LRPPRC: variants seen among roughly 807,000 people sequenced by gnomAD.
The protein encoded by LRPPRC is leucine-rich PPR motif-containing protein, mitochondrial.
In LRPPRC, 120 loss-of-function variants were observed where a neutral mutation model predicts 180.3. That is an observed-to-expected ratio of 0.67 (90% CI 0.57 to 0.77). LRPPRC has a LOEUF of 0.77. Ranked by LOEUF, LRPPRC falls within the 30% of genes least tolerant of loss-of-function variation. The pLI, the probability that LRPPRC is intolerant of heterozygous loss-of-function variation, is 0.00. For missense variants in LRPPRC, 2,012 were observed against 1,657.2 expected (o/e 1.21, Z -3.72); for synonymous variants, 723 against 600.0 (o/e 1.21, Z -3.00).
At chr2:43,964,252 A>G (rs1306608300) in intron 11 of LRPPRC, among the ~76,000 whole-genome samples, 1 of 143,800 alleles carries the variant, frequency 7.0e-6, no homozygotes, top group Non-Finnish European at 1.5e-5. Flanking sequence ...TAAAAATCAA[A>G]TAAGTTGTTT....
rs760756132 is a variant in LRPPRC, at chr2:43,973,676, C to A, written c.1300G>T (p.Gly434Cys). Reference sequence around the variant, plus strand: ...AAATAGTGAGGTCTGATAGGAAAACCTTCCTCCTTCACAGCCTTCATTAAG... The same window carrying A: ...AAATAGTGAGGTCTGATAGGAAAACATTCCTCCTTCACAGCCTTCATTAAG... ...KALMKAVKEEGFPIRPHYFWP... is the reference protein window; with the variant it reads ...KALMKAVKEECFPIRPHYFWP... The change falls in exon 11 of 38, where the codon GGT (glycine) becomes TGT (cysteine). Residue 434 changes from glycine to cysteine, a missense_variant. Physicochemically the swap from Gly to Cys is radical, Grantham distance 159. Transcript: ENST00000260665. 2 of 1,614,012 alleles carry A rather than the reference C, an allele frequency of 1.2e-6. No homozygotes were observed. Among genetic ancestry groups the A allele is most frequent in the Non-Finnish European group, 1.7e-6 (2 of 1,179,884 alleles).
chr2:43,916,368 G>T (rs1402859399), intron 29 of LRPPRC, among the ~76,000 whole-genome samples: 1 of 152,090 alleles, frequency 6.6e-6, no homozygotes, highest in South Asian at 2.1e-4. Flanking sequence ...ATAACAGAGG[G>T]TTAAAGACGG....
Position 43,898,047 on chromosome 2 carries a change from C to T in LRPPRC, c.3825+1172G>A, listed in dbSNP as rs561011062. ...ATTTTAAAAGTCCTGAAATCCCTAT[C>T]ATAAACTGCCTTTTCCTTAAAATTA... On this transcript the variant is annotated intron_variant, in intron 34 of 37. Transcript: ENST00000260665. Among the ~76,000 whole-genome samples the T allele has an allele frequency of 5.8e-3, 703 of 122,200 alleles. 2 individuals are homozygous for T. The highest frequency in any genetic ancestry group is 9.8e-3 in the Middle Eastern group (2 of 204). The allele number at this position is 122,200 out of a possible 152,430, so 80.2% of individuals were successfully genotyped here. A position where few individuals can be genotyped will look rare whatever the true frequency, so the allele number is the denominator to read the frequency against.
Position 43,995,853 on chromosome 2 carries a change from C to T in LRPPRC, c.95G>A (p.Gly32Asp). The T allele has an allele frequency of 6.7e-7, 1 of 1,482,110 alleles. No individual in the cohort carries two copies. The highest frequency in any genetic ancestry group is 8.9e-7 in the Non-Finnish European group (1 of 1,124,456). The allele number at this position is 1,482,110 out of a possible 1,614,324, so 91.8% of individuals were successfully genotyped here. ...LSLRLLPGGP[G>D]RLHAASYLPA... ...CAGATAGGAGGCGGCATGCAGCCGG[C>T]CCGGGCCGCCAGGGAGGAGGCGCAG... Residue 32 changes from glycine to aspartate, a missense_variant, in exon 1 of 38, where the codon GGC (glycine) becomes GAC (aspartate). Transcript: ENST00000260665.
At chr2:43,990,062 T>C (rs1674702139) in intron 1 of LRPPRC, among the ~76,000 whole-genome samples, 1 of 151,804 alleles carries the variant, frequency 6.6e-6, no homozygotes, top group African/African-American at 2.4e-5. Flanking sequence ...CTACTAAAAA[T>C]ACAAAAATTA....
intron 23 of LRPPRC, among the ~76,000 whole-genome samples, chr2:43,938,947 A>C (rs572694173): frequency 6.6e-6 from 1 of 152,228 alleles, no homozygotes; most frequent in South Asian, 2.1e-4. Context: ...ATACTAAGTA[A>C]CTTTCTAATC....
intron 11 of LRPPRC, among the ~76,000 whole-genome samples, chr2:43,966,150 TACA>T (rs764097604): frequency 5.3e-5 from 8 of 152,144 alleles, no homozygotes; most frequent in African/African-American, 1.7e-4. Flanking sequence ...TCCTGTCATT[TACA>T]ACAACATGAA....
At chr2:43,929,656 G>A (rs952783060) in intron 25 of LRPPRC, among the ~76,000 whole-genome samples, 11 of 152,016 alleles carry the variant, frequency 7.2e-5, no homozygotes, top group Admixed American at 5.2e-4. Flanking sequence ...GTTGTTCAAG[G>A]ATCAACTATA....
intron 6 of LRPPRC, among the ~76,000 whole-genome samples, chr2:43,975,588 CTTT>C (rs201011515): frequency 6.9e-6 from 1 of 144,312 alleles, no homozygotes. Flanking sequence ...TTTCTTTTTT[CTTT>C]TTTTTTTTTG....
intron 13 of LRPPRC, among the ~76,000 whole-genome samples, chr2:43,958,806 G>A (rs538518904): frequency 6.6e-6 from 1 of 152,132 alleles, no homozygotes; most frequent in Admixed American, 6.5e-5. Flanking sequence ...CCTGAAGCAC[G>A]TACCAGCAAT....
rs374997636 is a variant in LRPPRC, at chr2:43,946,107, A to G, written c.2210+6T>C. On this transcript the variant is annotated splice_donor_region_variant and intron_variant, in intron 21 of 37. Transcript: ENST00000260665. ...TGACAACTTGTTTCAGTGCCAGGGTACTCACAATTCTTCTTTCAAGTTCAA... is the reference window on the plus strand; with the variant it reads ...TGACAACTTGTTTCAGTGCCAGGGTGCTCACAATTCTTCTTTCAAGTTCAA... 6.2e-7 allele frequency: 1 copy of G among 1,612,032 alleles called. No homozygotes were observed.
In LRPPRC at chr2:43,947,354, G is replaced by C; in HGVS notation, c.1982C>G (p.Ser661Ter). ...TTCAAGTGTGGACTCCAATTCAGAT[G>C]ATGTAAGTTGCACAGTCTACAGAAA... ...LDFQKTVQLTSSELESTLETL... is the reference protein window; with the variant it reads ...LDFQKTVQLT Residue 661 changes from serine to a stop codon, truncating the protein, a stop_gained, in exon 20 of 38, where the codon TCA becomes TGA. Transcript: ENST00000260665. LOFTEE classifies it high-confidence loss of function. The C allele has an allele frequency of 2.5e-6, 4 of 1,570,504 alleles. No individual in the cohort carries two copies. Among genetic ancestry groups the C allele is most frequent in the Non-Finnish European group, 3.5e-6 (4 of 1,141,428 alleles).
intron 37 of LRPPRC, among the ~76,000 whole-genome samples, chr2:43,889,259 G>A (rs1670389719): frequency 7.4e-6 from 1 of 134,926 alleles, no homozygotes; most frequent in Non-Finnish European, 1.5e-5. Flanking sequence ...AGGTTGCAGT[G>A]AGCCGAGACC....
intron 11 of LRPPRC, among the ~76,000 whole-genome samples, chr2:43,967,516 T>A (rs901690660): frequency 1.3e-5 from 2 of 152,146 alleles, no homozygotes; most frequent in African/African-American, 2.4e-5. Flanking sequence ...TTAAATGTAT[T>A]TTTCAAGATG....
Position 43,979,882 on chromosome 2 carries a change from T to C in LRPPRC, c.413A>G (p.Lys138Arg). The change falls in exon 3 of 38, where the codon AAG (lysine) becomes AGG (arginine). Residue 138 changes from lysine (K) to arginine (R), a missense_variant. Transcript: ENST00000260665. ...AGCAAATTCTGTTCTCTCTTCAAGCTTTAGTTCAGGCAAGAGAGAACCACA... is the reference window on the plus strand; with the variant it reads ...AGCAAATTCTGTTCTCTCTTCAAGCCTTAGTTCAGGCAAGAGAGAACCACA... ...RSCGSLLPEL[K>R]LEERTEFAHR... 6.2e-7 allele frequency: 1 copy of C among 1,613,170 alleles called. No individual in the cohort carries two copies. Among genetic ancestry groups the C allele is most frequent in the Non-Finnish European group, 8.5e-7 (1 of 1,179,162 alleles).
intron 27 of LRPPRC, among the ~76,000 whole-genome samples, chr2:43,919,456 A>G (rs1671618444): frequency 6.6e-6 from 1 of 152,180 alleles, no homozygotes; most frequent in Non-Finnish European, 1.5e-5. Context: ...TGACATGAAG[A>G]GTTTCTATGA....
chr2:43,944,586 T>G (rs1394957820), intron 22 of LRPPRC, among the ~76,000 whole-genome samples: 2 of 152,124 alleles, frequency 1.3e-5, no homozygotes. Context: ...AAACATTCAA[T>G]GTTCTAATAA....
Position 43,918,796 on chromosome 2 carries a change from T to G in LRPPRC, c.2897-398A>C, listed in dbSNP as rs199800432. Among the ~76,000 whole-genome samples, 3 of 34,962 alleles carry G rather than the reference T, an allele frequency of 8.6e-5. No individual in the cohort carries two copies. In the African/African-American group the frequency reaches 1.6e-3, roughly 18 times the overall value. The allele number at this position is 34,962 out of a possible 152,430, so 22.9% of individuals were successfully genotyped here. A position where few individuals can be genotyped will look rare whatever the true frequency, so the allele number is the denominator to read the frequency against. On this transcript the variant is annotated intron_variant, in intron 27 of 37. Transcript: ENST00000260665. ...CTGGAAATATATATATATATAGATA[T>G]ATATATATATATAGATATATATATA...
rs1553411748 is a variant in LRPPRC, at chr2:43,977,043, G to A, written c.601C>T (p.Gln201Ter). Residue 201 changes from glutamine (Q) to a stop codon, truncating the protein, a stop_gained, in exon 5 of 38, where the codon CAG (glutamine) becomes TAG (stop). Coordinates refer to ENST00000260665, the MANE Select transcript of LRPPRC (RefSeq NM_133259.4). LOFTEE classifies it high-confidence loss of function. ...ANIQPNRVTY[Q>*]RLIASYCNVG... is the part of the protein sequence containing the mutation. Reference sequence around the variant, plus strand: ...TTACAATAAGAAGCAATCAATCTCTGGTATGTCACCTGTCAATGAAATGGG... The same window carrying A: ...TTACAATAAGAAGCAATCAATCTCTAGTATGTCACCTGTCAATGAAATGGG... 4 of 1,612,940 alleles carry A rather than the reference G, an allele frequency of 2.5e-6. No individual in the cohort carries two copies. The highest frequency in any genetic ancestry group is 3.4e-6 in the Non-Finnish European group (4 of 1,179,294).
Sources: gnomAD v4.1 joint callset for allele counts (sites outside exome capture counted in the v4.1 genomes callset) on GRCh38, gnomAD v4.1.1 for gene constraint, MANE v1.5 for transcripts, NCBI Gene and HGNC (gene_info 2026-07-23, HGNC 2026-07-21) for gene names.